Variants in TMC2 observed in about 807,000 individuals in gnomAD.
TMC2 encodes transmembrane channel like 2.
A neutral mutation model predicts 105.9 loss-of-function variants in TMC2; 102 were observed. That is an observed-to-expected ratio of 0.96 (90% CI 0.82 to 1.14). The LOEUF is 1.14. TMC2 is among the 50% of genes most tolerant of loss of function. The pLI is 0.00. For missense variants in TMC2, 1,093 were observed against 1,134.3 expected (o/e 0.96, Z 0.52); for synonymous variants, 402 against 422.8 (o/e 0.95, Z 0.60).
chr20:2,611,048 A>T (rs2086434129), intron 12 of TMC2, among the ~76,000 whole-genome samples: 1 of 152,216 alleles, frequency 6.6e-6, no homozygotes, highest in Admixed American at 6.5e-5. Context: ...GTGTGTTCAC[A>T]CACTGGGCTG....
rs1439500745 is a variant in TMC2, at chr20:2,643,109, A to G, written c.*1758A>G. Among the ~76,000 whole-genome samples the G allele has an allele frequency of 6.6e-6, 1 of 152,190 alleles. No homozygotes were observed. The highest frequency in any genetic ancestry group is 6.5e-5 in the Admixed American group (1 of 15,276). Reference sequence around the variant, plus strand: ...CATGTGACCAGGAGAAACAGGATAAATTATTTCACACCAATCTCTCCTGGC... The same window carrying G: ...CATGTGACCAGGAGAAACAGGATAAGTTATTTCACACCAATCTCTCCTGGC... On this transcript the variant is annotated 3_prime_UTR_variant, in exon 20 of 20. Transcript: ENST00000358864.
At chr20:2,537,248 C>G in intron 1 of TMC2, 21 bp from the exon 2 acceptor site, 1 of 1,594,218 alleles carries the variant, frequency 6.3e-7, no homozygotes, top group Non-Finnish European at 8.5e-7. Context: ...AGCCATTTGT[C>G]AGCAATCCTG....
chr20:2,631,660 G>T (rs2086603905), intron 17 of TMC2, among the ~76,000 whole-genome samples: 2 of 148,142 alleles, frequency 1.4e-5, no homozygotes, highest in Non-Finnish European at 3.0e-5. Context: ...TCTTGTATAT[G>T]ATTATTTGTT....
intron 4 of TMC2, among the ~76,000 whole-genome samples, chr20:2,565,600 TTTC>T (rs1390129067): frequency 6.6e-6 from 1 of 152,202 alleles, no homozygotes; most frequent in East Asian, 1.9e-4. Context: ...ACCAGTATGA[TTTC>T]TTCTTCTGAA....
intron 13 of TMC2, among the ~76,000 whole-genome samples, chr20:2,612,700 AAAAAAG>A (rs1252863787): frequency 1.3e-5 from 2 of 152,180 alleles, no homozygotes; most frequent in African/African-American, 4.8e-5. Flanking sequence ...TATATATCAA[AAAAAAG>A]AAAAAGAAAA....
In TMC2 at chr20:2,597,270, A is replaced by G; in HGVS notation, c.1196A>G (p.Lys399Arg). Residue 399 changes from lysine (K) to arginine (R), a missense_variant, in exon 10 of 20, where the codon AAA becomes AGA. Coordinates refer to ENST00000358864, the MANE Select transcript of TMC2 (RefSeq NM_080751.3). Reference sequence around the variant, plus strand: ...GGGAATTCAGAGACAGCTGATAACAAATATGCATCCATCACCACCAGCTTC... The same window carrying G: ...GGGAATTCAGAGACAGCTGATAACAGATATGCATCCATCACCACCAGCTTC... ...LIGNSETADN[K>R]YASITTSFKE... The G allele has an allele frequency of 6.2e-7, 1 of 1,614,040 alleles. No individual in the cohort carries two copies. The highest frequency in any genetic ancestry group is 8.5e-7 in the Non-Finnish European group (1 of 1,179,948).
At chr20:2,566,482 T>A (rs1482487571) in intron 4 of TMC2, among the ~76,000 whole-genome samples, 1 of 152,230 alleles carries the variant, frequency 6.6e-6, no homozygotes, top group East Asian at 1.9e-4. Flanking sequence ...GAATCAGGGA[T>A]ATTTGCTTTA....
intron 17 of TMC2, among the ~76,000 whole-genome samples, chr20:2,624,965 C>T (rs2086553809): frequency 6.6e-6 from 1 of 152,164 alleles, no homozygotes; most frequent in Non-Finnish European, 1.5e-5. Flanking sequence ...AGCTTATACA[C>T]TGGAACAAGC....
chr20:2,542,940 T>A (rs111585230), intron 2 of TMC2, among the ~76,000 whole-genome samples: 1 of 151,966 alleles, frequency 6.6e-6, no homozygotes, highest in Non-Finnish European at 1.5e-5. Flanking sequence ...TTTTTCTTTT[T>A]AAAACAAAAT....
At chr20:2,628,032 G>A (rs1382625004) in intron 17 of TMC2, among the ~76,000 whole-genome samples, 1 of 152,082 alleles carries the variant, frequency 6.6e-6, no homozygotes, top group Non-Finnish European at 1.5e-5. Context: ...GCCAGCTGTG[G>A]TGGTGTGTGC....
At chr20:2,601,998 C>G in intron 10 of TMC2, 115 bp from the exon 11 acceptor site, 1 of 672,928 alleles carries the variant, frequency 1.5e-6, no homozygotes, top group East Asian at 2.8e-5. Context: ...ACATCATCTC[C>G]TCTGTATTAT....
At position 2,613,198 on chromosome 20, in the gene TMC2, T is replaced by G; in HGVS notation, c.1748T>G (p.Phe583Cys). ...SCWETAVGIE[F>C]MRLTVSDMLV... is the part of the protein sequence containing the mutation. ...TCTTCCTGTGTTCCTCTGCAGGAAT[T>G]CATGAGGCTGACGGTGTCTGACATG... The change falls in exon 14 of 20, where the codon TTC becomes TGC. Residue 583 changes from phenylalanine (F) to cysteine (C), a missense_variant. By Grantham distance (205) the Phe-to-Cys change is radical. Transcript: ENST00000358864. 1 of 1,612,404 alleles carries G rather than the reference T, an allele frequency of 6.2e-7. No individual in the cohort carries two copies. The highest frequency in any genetic ancestry group is 8.5e-7 in the Non-Finnish European group (1 of 1,178,708).
chr20:2,624,394 G>A lies in TMC2; in HGVS notation c.2304G>A (p.Met768Ile), dbSNP rs956624738. The change falls in exon 17 of 20, where the codon ATG becomes ATA. Residue 768 changes from methionine (M) to isoleucine (I), a missense_variant and splice_region_variant. By Grantham distance (10) the Met-to-Ile change is conservative (BLOSUM62 1). Coordinates refer to ENST00000358864, the MANE Select transcript of TMC2 (RefSeq NM_080751.3). ...TGATCATCCCAGCCATCCTGCTGATGTTGTAAGTTAGCCAGGACCCATGGC... is the reference window on the plus strand; with the variant it reads ...TGATCATCCCAGCCATCCTGCTGATATTGTAAGTTAGCCAGGACCCATGGC... ...PGLIIPAILL[M>I]FLAIYYLNSV... 1 of 1,613,264 alleles carries A rather than the reference G, an allele frequency of 6.2e-7. No homozygotes were observed. Among genetic ancestry groups the A allele is most frequent in the Non-Finnish European group, 8.5e-7 (1 of 1,179,650 alleles).
At chr20:2,582,992 A>G (rs1201990764) in intron 7 of TMC2, among the ~76,000 whole-genome samples, 2 of 152,288 alleles carry the variant, frequency 1.3e-5, no homozygotes, top group East Asian at 3.9e-4. Context: ...CTGGATGACA[A>G]GTTTATGTAC....
intron 5 of TMC2, among the ~76,000 whole-genome samples, chr20:2,576,801 A>G (rs1013437287): frequency 1.3e-5 from 2 of 152,174 alleles, no homozygotes; most frequent in African/African-American, 4.8e-5. Context: ...TCACTGCCAT[A>G]GAAACCAAAG....
In TMC2 at chr20:2,595,385, G is replaced by T. The variant is rs1251154602; in HGVS notation, c.1076+418G>T. Among the ~76,000 whole-genome samples, 5 of 152,334 alleles carry T rather than the reference G, an allele frequency of 3.3e-5. No homozygotes were observed. The East Asian group carries it at 7.7e-4, about 24-fold the overall frequency. On this transcript the variant is annotated intron_variant, in intron 9 of 19. Coordinates refer to ENST00000358864, the MANE Select transcript of TMC2 (RefSeq NM_080751.3). Reference sequence around the variant, plus strand: ...TGTTTTTGCTTTTGTCCAGAGCTCAGCTTCCTCCAAAAAACTCTTCTGCTC... The same window carrying T: ...TGTTTTTGCTTTTGTCCAGAGCTCATCTTCCTCCAAAAAACTCTTCTGCTC...
rs2086355497 is a variant in TMC2, at chr20:2,602,101, T to G, written c.1225-12T>G. On this transcript the variant is annotated splice_polypyrimidine_tract_variant and intron_variant, in intron 10 of 19. Transcript: ENST00000358864. ...CCTGACATTTATGCACATCTCATTT[T>G]CACACATTAAGGAATCAATAGTGGA... 6.3e-7 allele frequency: 1 copy of G among 1,591,878 alleles called. No individual in the cohort carries two copies.
intron 2 of TMC2, among the ~76,000 whole-genome samples, chr20:2,539,635 C>G (rs2085875235): frequency 1.3e-5 from 2 of 152,178 alleles, no homozygotes; most frequent in South Asian, 4.1e-4. Context: ...CCTTTCTGAG[C>G]ACTGAACTCA....
chr20:2,610,300 C>A, intron 11 of TMC2, 119 bp from the exon 12 acceptor site: 1 of 949,476 alleles, frequency 1.1e-6, no homozygotes, highest in Non-Finnish European at 1.6e-6. Context: ...CCCAGGGCAT[C>A]TCCAGGCGCA....
Sources: gnomAD v4.1 joint callset for allele counts (sites outside exome capture counted in the v4.1 genomes callset) on GRCh38, gnomAD v4.1.1 for gene constraint, MANE v1.5 for transcripts, NCBI Gene and HGNC (gene_info 2026-07-23, HGNC 2026-07-21) for gene names.